TERT: variants seen among roughly 807,000 people sequenced by gnomAD.
TERT encodes the protein telomerase catalytic subunit.
TERT carries 42 observed loss-of-function variants against 104.0 expected under a neutral mutation model. The observed-to-expected ratio is 0.40, with a 90% CI of 0.32 to 0.52. TERT has a LOEUF of 0.52. TERT is among the 20% of genes least tolerant of loss of function. The pLI, the probability that TERT is intolerant of heterozygous loss-of-function variation, is 0.43. For missense variants in TERT, 1,101 were observed against 1,610.3 expected (o/e 0.68, Z 5.41); for synonymous variants, 781 against 725.6 (o/e 1.08, Z -1.23).
Position 1,270,982 on chromosome 5 carries a change from G to A in TERT, c.2468+137C>T. 1 of 704,840 alleles carries A rather than the reference G, an allele frequency of 1.4e-6. No homozygotes were observed. Among genetic ancestry groups the A allele is most frequent in the South Asian group, 1.7e-5 (1 of 57,450 alleles). 43.7% of individuals were successfully genotyped at this position (704,840 alleles called of 1,614,324 possible). On this transcript the variant is annotated intron_variant, in intron 8 of 15. Transcript: ENST00000310581. This position sits in a 1 kb window ranked among gnomAD's most constrained non-coding sequence, Gnocchi z 8.3. Reference sequence around the variant, plus strand: ...GAGCCTGCAGCCCAGGAGCCGGAGGGGGCGGGGGCCAGAAAAGGAGACTCT... The same window carrying A: ...GAGCCTGCAGCCCAGGAGCCGGAGGAGGCGGGGGCCAGAAAAGGAGACTCT...
At chr5:1,283,432 C>T (rs1167078820) in intron 2 of TERT, among the ~76,000 whole-genome samples, 2 of 147,742 alleles carry the variant, frequency 1.4e-5, no homozygotes, top group Non-Finnish European at 3.0e-5. Context: ...CTGCACCATC[C>T]AGACACCGCA....
chr5:1,278,998 C>T (rs888962564), intron 5 of TERT, among the ~76,000 whole-genome samples: 9 of 152,222 alleles, frequency 5.9e-5, no homozygotes, highest in Non-Finnish European at 1.3e-4. Flanking sequence ...TGCAAGGCAC[C>T]GGGGCCTGGT....
chr5:1,294,178 C>T lies in TERT; in HGVS notation c.708G>A (p.Lys236=), dbSNP rs1250720718. 1.3e-6 allele frequency: 2 copies of T among 1,582,930 alleles called. No homozygotes were observed. The highest frequency in any genetic ancestry group is 1.7e-6 in the Non-Finnish European group (2 of 1,168,416). The change falls in exon 2 of 16, where the codon AAG becomes AAA. Residue 236 remains lysine, a synonymous_variant. Transcript: ENST00000310581. ...CAGGGGCAGCGCCACGCCTGGGCCT[C>T]TTGGGCAACGGCAGACTTCGGCTGG... The part of the protein sequence containing the change: ...GSASRSLPLP[K]RPRRGAAPEP...
At chr5:1,253,996 CAG>C (rs1420955061) in intron 15 of TERT, among the ~76,000 whole-genome samples, 165 bp from the exon 16 acceptor site, 1 of 152,218 alleles carries the variant, frequency 6.6e-6, no homozygotes, top group Non-Finnish European at 1.5e-5. Context: ...GGCGAGCAGA[CAG>C]GCAGCCCAGT....
intron 3 of TERT, among the ~76,000 whole-genome samples, chr5:1,282,101 AAAAG>A (rs1750061787): frequency 1.3e-5 from 2 of 152,094 alleles, no homozygotes; most frequent in Non-Finnish European, 2.9e-5. Context: ...AAAGAAAAAA[AAAAG>A]AGAGAGAGAA....
rs1185017282 is a variant in TERT at position 1,268,960 on chromosome 5, T to C, written c.2469-327A>G. On this transcript the variant is annotated intron_variant, in intron 8 of 15. Transcript: ENST00000310581. This position sits in a 1 kb window ranked among gnomAD's most constrained non-coding sequence, Gnocchi z 5.5. ...AACCAGACACTTGACCCGGAATGAATGCTTAACCGGACTCCTTTTTTTTTT... is the reference window on the plus strand; with the variant it reads ...AACCAGACACTTGACCCGGAATGAACGCTTAACCGGACTCCTTTTTTTTTT... 6.6e-6 allele frequency among the ~76,000 whole-genome samples: 1 copy of C among 152,004 alleles called. No individual in the cohort carries two copies. Among genetic ancestry groups the C allele is most frequent in the East Asian group, 1.9e-4 (1 of 5,182 alleles).
At chr5:1,272,090 G>A in intron 7 of TERT, 95 bp downstream of exon 7, 2 of 1,086,308 alleles carry the variant, frequency 1.8e-6, no homozygotes, top group Non-Finnish European at 2.8e-6. Context: ...TGCCCCCCAG[G>A]GCCAACAGTC....
At position 1,268,513 on chromosome 5, in the gene TERT, G is replaced by T. The variant is rs766415474; in HGVS notation, c.2582+7C>A. On this transcript the variant is annotated splice_region_variant and intron_variant, in intron 9 of 15. Transcript: ENST00000310581. The surrounding 1 kb of genome is among the most constrained non-coding windows in gnomAD (Gnocchi z 5.5). Reference sequence around the variant, plus strand: ...CCCAAGCCCCCCTGGGGAAGAGGAGGCCTCACCCGTCCCGCCGAATCCCCG... The same window carrying T: ...CCCAAGCCCCCCTGGGGAAGAGGAGTCCTCACCCGTCCCGCCGAATCCCCG... 6.3e-5 allele frequency: 102 copies of T among 1,610,968 alleles called. No homozygotes were observed. The highest frequency in any genetic ancestry group is 9.9e-5 in the South Asian group (9 of 91,026).
In TERT at chr5:1,269,287, C is replaced by T. The variant is rs1444248487; in HGVS notation, c.2469-654G>A. 3.3e-5 allele frequency among the ~76,000 whole-genome samples: 5 copies of T among 152,144 alleles called. No individual in the cohort carries two copies. The highest frequency in any genetic ancestry group is 3.8e-4 in the East Asian group (2 of 5,196). ...CTGCAAAAACAAGACCTGTTATTTTCGGGAAGCGCTATAGGTGGTCACCTT... is the reference window on the plus strand; with the variant it reads ...CTGCAAAAACAAGACCTGTTATTTTTGGGAAGCGCTATAGGTGGTCACCTT... On this transcript the variant is annotated intron_variant, in intron 8 of 15. Coordinates refer to ENST00000310581, the MANE Select transcript of TERT (RefSeq NM_198253.3). The surrounding 1 kb of genome is among the most constrained non-coding windows in gnomAD (Gnocchi z 9.0).
chr5:1,264,616 C>T (rs1031498182), intron 10 of TERT, 24 bp from the exon 11 acceptor site: 2 of 1,613,240 alleles, frequency 1.2e-6, no homozygotes, highest in African/African-American at 2.7e-5. Flanking sequence ...GCAATGTCAG[C>T]CCCAGGATGC....
At position 1,255,154 on chromosome 5, in the gene TERT, A is replaced by G. The variant is rs1295513026; in HGVS notation, c.3157+133T>C. On this transcript the variant is annotated intron_variant, in intron 14 of 15. Transcript: ENST00000310581. This position sits in a 1 kb window ranked among gnomAD's most constrained non-coding sequence, Gnocchi z 6.9. ...GAGAGGGCGGGCAGACGAGCCTGAC[A>G]GTGGTTGGGTTAAACCACTTCCTGA... The G allele has an allele frequency of 1.7e-6, 2 of 1,169,058 alleles. No homozygotes were observed. Among genetic ancestry groups the G allele is most frequent in the Non-Finnish European group, 2.5e-6 (2 of 813,302 alleles). The allele number at this position is 1,169,058 out of a possible 1,614,324, so 72.4% of individuals were successfully genotyped here. A position where few individuals can be genotyped will look rare whatever the true frequency, so the allele number is the denominator to read the frequency against.
chr5:1,282,157 G>C (rs1220045813), intron 3 of TERT, among the ~76,000 whole-genome samples: 1 of 152,198 alleles, frequency 6.6e-6, no homozygotes, highest in Non-Finnish European at 1.5e-5. Flanking sequence ...GCTAGTGGTA[G>C]TGTTTCCATC....
intron 6 of TERT, among the ~76,000 whole-genome samples, chr5:1,277,259 TCTG>T (rs1159346131): frequency 6.6e-6 from 1 of 152,042 alleles, no homozygotes; most frequent in Non-Finnish European, 1.5e-5. Flanking sequence ...CTAAAGCACG[TCTG>T]TGACCCAGCA....
chr5:1,254,546 A>G, intron 14 of TERT, 41 bp from the exon 15 acceptor site: 4 of 1,586,566 alleles, frequency 2.5e-6, no homozygotes, highest in Non-Finnish European at 3.4e-6. Context: ...GGCCCAGCCC[A>G]GCTCCCCTCC....
rs901023458 is a variant in TERT, at chr5:1,288,057, T to C, written c.1573+5256A>G. On this transcript the variant is annotated intron_variant, in intron 2 of 15. Coordinates refer to ENST00000310581, the MANE Select transcript of TERT (RefSeq NM_198253.3). The surrounding 1 kb of genome is among the most constrained non-coding windows in gnomAD (Gnocchi z 5.3). ...TACATATCTTGAACATAAACAGTGT[T>C]CAAATAACTCACTGCTCAAAGAAAT... Among the ~76,000 whole-genome samples the C allele has an allele frequency of 6.6e-6, 1 of 152,104 alleles. No homozygotes were observed. Among genetic ancestry groups the C allele is most frequent in the African/African-American group, 2.4e-5 (1 of 41,406 alleles).
At chr5:1,289,669 G>GACAGT (rs1750743538) in intron 2 of TERT, among the ~76,000 whole-genome samples, 4 of 100,916 alleles carry the variant, frequency 4.0e-5, no homozygotes, top group Admixed American at 9.6e-5. Flanking sequence ...GACACCCGGG[G>GACAGT]GCCTCGCGTC....
chr5:1,267,548 G>A (rs1033592268), intron 9 of TERT, among the ~76,000 whole-genome samples: 7 of 152,124 alleles, frequency 4.6e-5, no homozygotes, highest in Non-Finnish European at 8.8e-5. Context: ...TGTTTATTGC[G>A]GCACTATTCA....
In TERT at chr5:1,265,238, C is replaced by T. The variant is rs925606770; in HGVS notation, c.2655-646G>A. On this transcript the variant is annotated intron_variant, in intron 10 of 15. Transcript: ENST00000310581. The surrounding 1 kb of genome is among the most constrained non-coding windows in gnomAD (Gnocchi z 6.9). ...TGCTCTGGCCTGGGCATCCCCTTCC[C>T]TTCCTGCGGCCTCTGCTGTGGCCCC... is the stretch of plus-strand genomic sequence containing the variant. 6.6e-5 allele frequency among the ~76,000 whole-genome samples: 10 copies of T among 152,158 alleles called. No individual in the cohort carries two copies. The highest frequency in any genetic ancestry group is 2.4e-5 in the African/African-American group (1 of 41,434).
At chr5:1,273,188 CCA>C (rs67221804) in intron 6 of TERT, among the ~76,000 whole-genome samples, 5 of 13,730 alleles carry the variant, frequency 3.6e-4, no homozygotes, top group Non-Finnish European at 4.1e-4. Flanking sequence ...TCCACAGTCA[CCA>C]CACATCAGAC....
Sources: allele counts gnomAD v4.1 joint callset (sites outside exome capture counted in the v4.1 genomes callset), GRCh38; gene constraint gnomAD v4.1.1; non-coding constraint Gnocchi (gnomAD v3.1); transcripts MANE v1.5; gene names NCBI Gene and HGNC (gene_info 2026-07-23, HGNC 2026-07-21).